Variants in MDGA2 observed in about 807,000 individuals in gnomAD.
MDGA2 encodes the protein MAM domain-containing glycosylphosphatidylinositol anchor protein 2.
Under a neutral mutation model 117.8 loss-of-function variants are expected in MDGA2, and 40 were observed. The ratio of observed to expected loss-of-function variants is 0.34; its 90% CI spans 0.26 to 0.44. The LOEUF (loss-of-function observed/expected upper bound fraction) is 0.44, where lower values mean the gene tolerates loss of function less well. Ranked by LOEUF, MDGA2 falls within the 20% of genes least tolerant of loss-of-function variation. The pLI is 1.00. For synonymous variants in MDGA2, 452 were observed against 439.0 expected (o/e 1.03, Z -0.37); for missense variants, 1,123 against 1,250.6 (o/e 0.90, Z 1.54).
chr14:47,510,840 G>A (rs1894623982), intron 1 of MDGA2, among the ~76,000 whole-genome samples: 1 of 152,188 alleles, frequency 6.6e-6, no homozygotes, highest in Non-Finnish European at 1.5e-5. Context: ...GCCTGCCTGA[G>A]AGACTTTGCA....
chr14:47,649,879 T>C (rs573971992), intron 1 of MDGA2, among the ~76,000 whole-genome samples: 18 of 152,068 alleles, frequency 1.2e-4, no homozygotes, highest in African/African-American at 3.9e-4. Context: ...CAGGATGAAT[T>C]AGGCTAAAAA....
intron 1 of MDGA2, among the ~76,000 whole-genome samples, chr14:47,635,359 T>C (rs1486756745): frequency 1.3e-5 from 2 of 152,126 alleles, no homozygotes; most frequent in African/African-American, 2.4e-5. Context: ...AAATGAGACA[T>C]ACAACAGAAT....
chr14:47,096,904 T>C lies in MDGA2; in HGVS notation c.1145A>G (p.Asn382Ser). 3 of 1,613,312 alleles carry C rather than the reference T, an allele frequency of 1.9e-6. No individual in the cohort carries two copies. Among genetic ancestry groups the C allele is most frequent in the Non-Finnish European group, 1.7e-6 (2 of 1,179,436 alleles). ...TTTTGCAGGGTTTCCCACATTATTA[T>C]TGGCAATGCAGCTGTAAGTACCAGC... The part of the protein sequence containing the change: ...DDAGTYSCIA[N>S]NNVGNPAKKS... The change falls in exon 6 of 17, where the codon AAT (asparagine) becomes AGT (serine). Residue 382 changes from asparagine to serine, a missense_variant. This residue lies in a region of MDGA2 where 890 missense variants were observed against 1,050.3 expected (regional missense o/e 0.85). Transcript: ENST00000399232.
intron 1 of MDGA2, among the ~76,000 whole-genome samples, chr14:47,358,246 A>G (rs1891038735): frequency 6.6e-6 from 1 of 152,168 alleles, no homozygotes; most frequent in Non-Finnish European, 1.5e-5. Flanking sequence ...CCACCTCTGT[A>G]TGCAATGACT....
At chr14:47,167,476 G>C (rs1883934001) in intron 3 of MDGA2, among the ~76,000 whole-genome samples, 1 of 152,058 alleles carries the variant, frequency 6.6e-6, no homozygotes, top group African/African-American at 2.4e-5. Flanking sequence ...TAGGGAGAAA[G>C]GCAATAGAAA....
intron 1 of MDGA2, among the ~76,000 whole-genome samples, chr14:47,440,599 C>G (rs1019466831): frequency 6.6e-6 from 1 of 152,048 alleles, no homozygotes; most frequent in Non-Finnish European, 1.5e-5. Flanking sequence ...TAGTTGGTAT[C>G]TCTGGTAGAT....
At chr14:47,661,018 A>G (rs1003956960) in intron 1 of MDGA2, among the ~76,000 whole-genome samples, 1 of 152,182 alleles carries the variant, frequency 6.6e-6, no homozygotes, top group South Asian at 2.1e-4. Context: ...AGCTACCTAC[A>G]TATACTTCGC....
intron 1 of MDGA2, among the ~76,000 whole-genome samples, chr14:47,523,424 G>T (rs1324083587): frequency 1.3e-5 from 2 of 151,948 alleles, no homozygotes; most frequent in Non-Finnish European, 1.5e-5. Context: ...AAAGTGATTT[G>T]GAGAATGCCC....
intron 8 of MDGA2, among the ~76,000 whole-genome samples, chr14:46,989,126 T>C (rs1566561822): frequency 1.3e-5 from 2 of 152,078 alleles, no homozygotes; most frequent in African/African-American, 4.8e-5. Context: ...GTTATCACTT[T>C]TCTTTGTATC....
intron 1 of MDGA2, among the ~76,000 whole-genome samples, chr14:47,414,333 G>C (rs1435615640): frequency 6.6e-6 from 1 of 152,110 alleles, no homozygotes; most frequent in Non-Finnish European, 1.5e-5. Context: ...TTCTACGATT[G>C]AGTATTTTAT....
chr14:46,857,764 C>T (rs1258819302), intron 14 of MDGA2, among the ~76,000 whole-genome samples: 1 of 152,080 alleles, frequency 6.6e-6, no homozygotes, highest in Non-Finnish European at 1.5e-5. Context: ...AAGGGATCTT[C>T]CCACCTCAGC....
At chr14:46,883,471 A>C (rs1211040812) in intron 10 of MDGA2, among the ~76,000 whole-genome samples, 1 of 152,064 alleles carries the variant, frequency 6.6e-6, no homozygotes, top group Non-Finnish European at 1.5e-5. Context: ...AAAAAGGTAG[A>C]GGATGCTTTA....
intron 1 of MDGA2, among the ~76,000 whole-genome samples, chr14:47,492,277 T>C (rs1047720414): frequency 6.6e-6 from 1 of 152,100 alleles, no homozygotes; most frequent in African/African-American, 2.4e-5. Flanking sequence ...TGTCAACAAC[T>C]AACACAATGG....
chr14:47,402,120 C>A (rs1326845478), intron 1 of MDGA2, among the ~76,000 whole-genome samples: 1 of 152,178 alleles, frequency 6.6e-6, no homozygotes, highest in Non-Finnish European at 1.5e-5. Flanking sequence ...AAATTTTCCT[C>A]AATGCCTATA....
chr14:47,236,059 G>A (rs140035648), intron 2 of MDGA2, among the ~76,000 whole-genome samples: 38 of 152,166 alleles, frequency 2.5e-4, no homozygotes, highest in Non-Finnish European at 5.1e-4. Flanking sequence ...TTGGAAGACC[G>A]AGGTGGGCGG....
At chr14:47,121,801 T>C (rs1235421342) in intron 5 of MDGA2, among the ~76,000 whole-genome samples, 1 of 152,102 alleles carries the variant, frequency 6.6e-6, no homozygotes, top group Non-Finnish European at 1.5e-5. Context: ...TAGGATAAAA[T>C]CTTCCTGACA....
intron 3 of MDGA2, among the ~76,000 whole-genome samples, chr14:47,214,009 C>CGAAGAGGGGGGTAAA (rs1372527474): frequency 6.6e-6 from 1 of 151,916 alleles, no homozygotes; most frequent in Admixed American, 6.6e-5. Context: ...AAGTACCGAG[C>CGAAGAGGGGGGTAAA]GAAGAGGGGG....
intron 1 of MDGA2, among the ~76,000 whole-genome samples, chr14:47,619,346 TCAC>T (rs1278691350): frequency 1.3e-5 from 2 of 152,192 alleles, no homozygotes; most frequent in African/African-American, 4.8e-5. Flanking sequence ...TGCGTCATCA[TCAC>T]AATGAGGTGG....
intron 1 of MDGA2, among the ~76,000 whole-genome samples, chr14:47,667,584 G>A (rs1437984791): frequency 6.6e-6 from 1 of 152,166 alleles, no homozygotes; most frequent in Non-Finnish European, 1.5e-5. Context: ...AGTGGCTTCA[G>A]ATAAAAATAT....
Sources: allele counts gnomAD v4.1 joint callset (sites outside exome capture counted in the v4.1 genomes callset), GRCh38; gene constraint gnomAD v4.1.1; regional missense constraint gnomAD v4.1.1; transcripts MANE v1.5; gene names NCBI Gene and HGNC (gene_info 2026-07-23, HGNC 2026-07-21).